Variants in HEATR5B observed in about 807,000 individuals in gnomAD.
HEATR5B encodes the protein HEAT repeat-containing protein 5B.
HEATR5B carries 156 observed loss-of-function variants against 224.1 expected under a neutral mutation model. That is an observed-to-expected ratio of 0.70 (90% CI 0.61 to 0.80). The LOEUF is 0.80. HEATR5B is among the 30% of genes least tolerant of loss of function. HEATR5B has a pLI of 0.00. For synonymous variants in HEATR5B, 1,027 were observed against 893.0 expected (o/e 1.15, Z -2.68); for missense variants, 2,323 against 2,535.5 (o/e 0.92, Z 1.80).
intron 33 of HEATR5B, among the ~76,000 whole-genome samples, chr2:36,999,366 A>C (rs1666937578): frequency 6.6e-6 from 1 of 152,134 alleles, no homozygotes; most frequent in Non-Finnish European, 1.5e-5. Context: ...GAAAACATAA[A>C]TATATTAACA....
intron 9 of HEATR5B, 84 bp downstream of exon 9, chr2:37,065,671 G>T: frequency 1.7e-6 from 2 of 1,147,382 alleles, no homozygotes; most frequent in Non-Finnish European, 2.5e-6. Flanking sequence ...ATGATGATAA[G>T]CAACTAATCA....
chr2:37,067,078 G>C (rs1478802639), intron 8 of HEATR5B, among the ~76,000 whole-genome samples: 1 of 151,976 alleles, frequency 6.6e-6, no homozygotes, highest in Non-Finnish European at 1.5e-5. Flanking sequence ...GCCATGTTGG[G>C]CAGGCTGTTT....
In HEATR5B at chr2:36,984,200, C is replaced by CCAAAAAAAAAAAAAAAAAAAA. The variant is rs1665776143; in HGVS notation, c.5912-2407_5912-2406insTTTTTTTTTTTTTTTTTTTTG. 1.0e-4 allele frequency among the ~76,000 whole-genome samples: 3 copies of CCAAAAAAAAAAAAAAAAAAAA among 29,022 alleles called. 1 individual carries two copies. Among genetic ancestry groups the CCAAAAAAAAAAAAAAAAAAAA allele is most frequent in the African/African-American group, 3.2e-4 (2 of 6,200 alleles). The allele number at this position is 29,022 out of a possible 152,430, so 19.0% of individuals were successfully genotyped here. Reference sequence around the variant, plus strand: ...GGGCAACAAGAGTGAAACTCTGTCTCAAAAAAAAAAAAAAAATATATATAT... The same window carrying CCAAAAAAAAAAAAAAAAAAAA: ...GGGCAACAAGAGTGAAACTCTGTCTCCAAAAAAAAAAAAAAAAAAAAAAAAAAAAAAAAAAAATATATATAT... On this transcript the variant is annotated intron_variant, in intron 35 of 35. Coordinates refer to ENST00000233099, the MANE Select transcript of HEATR5B (RefSeq NM_019024.3).
intron 21 of HEATR5B, among the ~76,000 whole-genome samples, chr2:37,033,990 A>C (rs1338588101): frequency 3.3e-5 from 5 of 152,156 alleles, no homozygotes; most frequent in African/African-American, 1.2e-4. Context: ...TCCCAGACAC[A>C]AATGATGGGG....
rs199812373 is a variant in HEATR5B, at chr2:37,028,774, G to A, written c.3508C>T (p.His1170Tyr). The A allele has an allele frequency of 2.1e-4, 333 of 1,614,052 alleles. No homozygotes were observed. Among genetic ancestry groups the A allele is most frequent in the Admixed American group, 1.3e-3 (78 of 60,008 alleles). Residue 1170 changes from histidine (H) to tyrosine (Y), a missense_variant, in exon 23 of 36, where the codon CAT becomes TAT. By Grantham distance (83) the His-to-Tyr change is moderately conservative. Transcript: ENST00000233099. ...GAAAGCATATGTCCCAAAGTGTCAT[G>A]AATATCAGAACATAATTTTCGATCT... ...ETDRKLCSDIHDTLGHMLSSL... is the reference protein window; with the variant it reads ...ETDRKLCSDIYDTLGHMLSSL...
intron 18 of HEATR5B, among the ~76,000 whole-genome samples, chr2:37,048,262 G>T (rs1670326680): frequency 6.7e-6 from 1 of 150,304 alleles, no homozygotes; most frequent in Non-Finnish European, 1.5e-5. Context: ...TTGGCTCACT[G>T]CAACCTCCAC....
chr2:37,080,742 AT>A (rs1672506126), intron 2 of HEATR5B, among the ~76,000 whole-genome samples: 2 of 152,080 alleles, frequency 1.3e-5, no homozygotes, highest in Non-Finnish European at 2.9e-5. Context: ...AAATCATACA[AT>A]TAGATGATAT....
At chr2:37,021,519 T>A (rs764253205) in intron 24 of HEATR5B, among the ~76,000 whole-genome samples, 2 of 152,174 alleles carry the variant, frequency 1.3e-5, no homozygotes, top group Non-Finnish European at 2.9e-5. Context: ...TGAGAAATCA[T>A]CCCTCTCTCT....
chr2:36,982,306 C>T (rs965713415), intron 35 of HEATR5B, among the ~76,000 whole-genome samples: 8 of 152,116 alleles, frequency 5.3e-5, no homozygotes, highest in African/African-American at 1.4e-4. Flanking sequence ...TAAGGGAATA[C>T]ATAAGCTTAG....
chr2:37,031,693 A>G lies in HEATR5B; in HGVS notation c.3361+936T>C, dbSNP rs539588117. ...CTTCTTTAATATTCTACAATACCGT[A>G]TATCTGTTAATAAAGTTCTTATGCT... is the stretch of plus-strand genomic sequence containing the variant. On this transcript the variant is annotated intron_variant, in intron 22 of 35. Transcript: ENST00000233099. Among the ~76,000 whole-genome samples the G allele has an allele frequency of 2.0e-5, 3 of 152,200 alleles. No homozygotes were observed. In the South Asian group the frequency reaches 6.2e-4, roughly 32 times the overall value.
chr2:37,002,454 T>C lies in HEATR5B; in HGVS notation c.5169A>G (p.Leu1723=). The C allele has an allele frequency of 6.2e-7, 1 of 1,614,222 alleles. No homozygotes were observed. The highest frequency in any genetic ancestry group is 8.5e-7 in the Non-Finnish European group (1 of 1,180,040). Residue 1723 remains leucine (L), a synonymous_variant, in exon 32 of 36, where the codon TTA becomes TTG. Transcript: ENST00000233099. ...TACTGAGATGTGGCATATGCCGTAC[T>C]AAAATGAACATCAGCAGCTCCATAG... is the stretch of plus-strand genomic sequence containing the variant. The part of the protein sequence containing the change: ...FATMELLMFI[L]VRHMPHLSTK...
chr2:37,069,298 T>C (rs1192171792), intron 7 of HEATR5B, among the ~76,000 whole-genome samples: 1 of 152,186 alleles, frequency 6.6e-6, no homozygotes, highest in African/African-American at 2.4e-5. Flanking sequence ...CGTACGACTT[T>C]TTCTGTAAGT....
intron 17 of HEATR5B, among the ~76,000 whole-genome samples, chr2:37,050,132 A>C (rs1236269504): frequency 1.3e-5 from 2 of 152,126 alleles, no homozygotes; most frequent in African/African-American, 4.8e-5. Context: ...AGCTCAAGCA[A>C]TCCTCCTGCC....
chr2:37,011,623 C>A (rs1667794386), intron 27 of HEATR5B, among the ~76,000 whole-genome samples: 1 of 152,040 alleles, frequency 6.6e-6, no homozygotes. Context: ...ATAGGGTTTT[C>A]CCATGTGAAT....
chr2:37,006,993 A>G, intron 29 of HEATR5B, 57 bp downstream of exon 29: 1 of 1,545,682 alleles, frequency 6.5e-7, no homozygotes, highest in South Asian at 1.1e-5. Context: ...CTTTAAAATG[A>G]AAGATATGAA....
chr2:37,034,368 C>G (rs945213555), intron 21 of HEATR5B, among the ~76,000 whole-genome samples: 4 of 140,816 alleles, frequency 2.8e-5, no homozygotes, highest in Non-Finnish European at 6.2e-5. Flanking sequence ...AATCCCAGCA[C>G]TTTGGGAGGC....
Position 37,037,145 on chromosome 2 carries a change from G to GAGATGGATATAT in HEATR5B, c.3216+709_3216+710insATATATCCATCT. ...TTCCGAGTAGGAAAACTAAAAATGT[G>GAGATGGATATAT]ATATATATATATATTTTGGAGATGG... On this transcript the variant is annotated intron_variant, in intron 21 of 35. Coordinates refer to ENST00000233099, the MANE Select transcript of HEATR5B (RefSeq NM_019024.3). 1.6e-4 allele frequency among the ~76,000 whole-genome samples: 14 copies of GAGATGGATATAT among 89,190 alleles called. 5 individuals carry two copies. The East Asian group carries it at 3.6e-3, about 23-fold the overall frequency. The allele number at this position is 89,190 out of a possible 152,430, so 58.5% of individuals were successfully genotyped here. A position where few individuals can be genotyped will look rare whatever the true frequency, so the allele number is the denominator to read the frequency against.
chr2:37,034,479 G>A (rs1387743399), intron 21 of HEATR5B, among the ~76,000 whole-genome samples: 39 of 144,426 alleles, frequency 2.7e-4, no homozygotes, highest in Non-Finnish European at 4.3e-4. Flanking sequence ...CGGGCGTAGT[G>A]GCGGGCGCCT....
rs1347689347 is a variant in HEATR5B, at chr2:37,028,022, C to A, written c.3754G>T (p.Ala1252Ser). ...APRWATRVFA[A>S]DCLCRIINLC... The stretch of plus-strand genomic sequence containing the variant: ...TTGATGATTCGACACAGGCAATCGG[C>A]AGCAAATACTCGAGTGGCCCAGCGA... The change falls in exon 24 of 36, where the codon GCC becomes TCC. Residue 1252 changes from alanine to serine, a missense_variant. Physicochemically the swap from Ala to Ser is moderately conservative, Grantham distance 99 (BLOSUM62 1). This residue lies in a region of HEATR5B where 339 missense variants were observed against 378.4 expected (regional missense o/e 0.90). Transcript: ENST00000233099. 1 of 1,614,152 alleles carries A rather than the reference C, an allele frequency of 6.2e-7. No individual in the cohort carries two copies. The highest frequency in any genetic ancestry group is 8.5e-7 in the Non-Finnish European group (1 of 1,180,004).
Sources: allele counts gnomAD v4.1 joint callset (sites outside exome capture counted in the v4.1 genomes callset), GRCh38; gene constraint gnomAD v4.1.1; regional missense constraint gnomAD v4.1.1; transcripts MANE v1.5; gene names NCBI Gene and HGNC (gene_info 2026-07-23, HGNC 2026-07-21).